DNM3: variants seen among roughly 807,000 people sequenced by gnomAD.
The protein encoded by DNM3 is dynamin-3.
A neutral mutation model predicts 101.6 loss-of-function variants in DNM3; 47 were observed. The ratio of observed to expected loss-of-function variants is 0.46; its 90% CI spans 0.37 to 0.59. The LOEUF is 0.59. Among genes scored for constraint, DNM3 ranks in the 20% least tolerant of loss-of-function variants. DNM3 has a pLI of 0.00. For synonymous variants in DNM3, 385 were observed against 387.9 expected, an observed-to-expected ratio of 0.99 and a Z score of 0.09; for missense variants, 849 against 1,085.7, an observed-to-expected ratio of 0.78 and a Z score of 3.06.
chr1:172,229,181 T>C (rs143589996), intron 14 of DNM3, among the ~76,000 whole-genome samples: 2 of 152,304 alleles, frequency 1.3e-5, no homozygotes, highest in Non-Finnish European at 2.9e-5. Context: ...CTGGGCTTCA[T>C]AAACACTCTA....
intron 14 of DNM3, among the ~76,000 whole-genome samples, chr1:172,174,563 T>A (rs953565995): frequency 1.1e-4 from 16 of 151,780 alleles, no homozygotes; most frequent in African/African-American, 3.9e-4. Flanking sequence ...TGACATTTTT[T>A]AACAAATGTC....
intron 17 of DNM3, among the ~76,000 whole-genome samples, chr1:172,354,164 A>G (rs1412684844): frequency 7.2e-6 from 1 of 139,206 alleles, no homozygotes; most frequent in African/African-American, 2.6e-5. Flanking sequence ...TTTGCTAAAG[A>G]ATATCTGAAG....
intron 5 of DNM3, 118 bp from the exon 6 acceptor site, chr1:172,032,987 T>C: frequency 1.6e-6 from 2 of 1,219,314 alleles, no homozygotes; most frequent in Non-Finnish European, 2.3e-6. Context: ...AGGAACTCAG[T>C]CTTCAGGCCT....
At chr1:172,285,888 G>C (rs548372064) in intron 15 of DNM3, among the ~76,000 whole-genome samples, 1 of 152,088 alleles carries the variant, frequency 6.6e-6, no homozygotes, top group Non-Finnish European at 1.5e-5. Flanking sequence ...CTTAGAGCTC[G>C]CATCTAACTC....
At chr1:172,238,403 T>A (rs2061621725) in intron 14 of DNM3, among the ~76,000 whole-genome samples, 1 of 152,144 alleles carries the variant, frequency 6.6e-6, no homozygotes, top group African/African-American at 2.4e-5. Context: ...CTAGTGTACA[T>A]GAATAATTCA....
chr1:172,168,109 C>T (rs1349407805), intron 14 of DNM3, among the ~76,000 whole-genome samples: 1 of 152,002 alleles, frequency 6.6e-6, no homozygotes, highest in Non-Finnish European at 1.5e-5. Context: ...TGCCCTATTT[C>T]AGAATAAAAC....
chr1:172,164,232 C>CTTTTTTTTTTTTTT (rs3980440), intron 14 of DNM3, among the ~76,000 whole-genome samples: 11 of 126,640 alleles, frequency 8.7e-5, no homozygotes, highest in East Asian at 2.2e-4. Flanking sequence ...CTTTTCTTTT[C>CTTTTTTTTTTTTTT]TTTTTTTTTT....
At chr1:172,358,857 G>C (rs545513205) in intron 17 of DNM3, among the ~76,000 whole-genome samples, 1 of 150,672 alleles carries the variant, frequency 6.6e-6, no homozygotes, top group Non-Finnish European at 1.5e-5. Flanking sequence ...CTCCTTTCCG[G>C]GTCTCCCTTC....
chr1:172,045,237 T>C (rs2049698915), intron 9 of DNM3, among the ~76,000 whole-genome samples: 1 of 152,186 alleles, frequency 6.6e-6, no homozygotes, highest in African/African-American at 2.4e-5. Context: ...CTAAATTACC[T>C]TCCATCTTAG....
chr1:172,361,661 G>A (rs901951757), intron 17 of DNM3, among the ~76,000 whole-genome samples: 7 of 151,934 alleles, frequency 4.6e-5, no homozygotes, highest in African/African-American at 1.7e-4. Flanking sequence ...CAGCAGCCAA[G>A]TTGAGAGTCT....
At chr1:172,360,576 G>C (rs543348272) in intron 17 of DNM3, among the ~76,000 whole-genome samples, 2 of 151,950 alleles carry the variant, frequency 1.3e-5, no homozygotes, top group Non-Finnish European at 2.9e-5. Context: ...TAGAGCCTCA[G>C]GCAAAATGCA....
chr1:172,354,082 T>G (rs2067313408), intron 17 of DNM3, among the ~76,000 whole-genome samples: 2 of 137,330 alleles, frequency 1.5e-5, no homozygotes, highest in Admixed American at 7.6e-5. Flanking sequence ...GACATAAAGG[T>G]GTTGGGGTGT....
intron 11 of DNM3, among the ~76,000 whole-genome samples, chr1:172,079,091 G>A (rs536771402): frequency 1.3e-5 from 2 of 152,226 alleles, no homozygotes; most frequent in South Asian, 4.1e-4. Context: ...TGATGATTAT[G>A]TGTCTTGGGG....
chr1:171,847,737 A>G (rs1256320564), intron 1 of DNM3, among the ~76,000 whole-genome samples: 1 of 152,202 alleles, frequency 6.6e-6, no homozygotes, highest in South Asian at 2.1e-4. Flanking sequence ...TGTCAGGGAA[A>G]ATGTCCTAAA....
intron 10 of DNM3, among the ~76,000 whole-genome samples, chr1:172,059,765 A>G (rs1295124180): frequency 9.1e-5 from 13 of 142,994 alleles, no homozygotes; most frequent in Admixed American, 6.4e-4. Context: ...AACTGGAAGC[A>G]TTCCCTTTGA....
intron 15 of DNM3, among the ~76,000 whole-genome samples, chr1:172,294,173 C>A (rs2064047223): frequency 6.6e-6 from 1 of 152,178 alleles, no homozygotes; most frequent in African/African-American, 2.4e-5. Context: ...AGCAAAGATA[C>A]AACTTTTGAA....
At chr1:171,885,994 C>T (rs184649117) in intron 1 of DNM3, among the ~76,000 whole-genome samples, 127 of 152,184 alleles carry the variant, frequency 8.3e-4, no homozygotes, top group African/African-American at 2.9e-3. Flanking sequence ...CCACTTTGAC[C>T]GGACTGTCAA....
At chr1:172,356,042 G>A (rs1342731820) in intron 17 of DNM3, among the ~76,000 whole-genome samples, 1 of 152,010 alleles carries the variant, frequency 6.6e-6, no homozygotes, top group East Asian at 1.9e-4. Context: ...AGAAATAATG[G>A]AATCATCTTC....
chr1:172,215,251 C>A (rs1215589055), intron 14 of DNM3, among the ~76,000 whole-genome samples: 1 of 152,082 alleles, frequency 6.6e-6, no homozygotes, highest in Non-Finnish European at 1.5e-5. Context: ...ATCCTCTTGG[C>A]TTCTGGAACA....
Sources: gnomAD v4.1 joint callset for allele counts (sites outside exome capture counted in the v4.1 genomes callset) on GRCh38, gnomAD v4.1.1 for gene constraint, MANE v1.5 for transcripts, NCBI Gene and HGNC (gene_info 2026-07-23, HGNC 2026-07-21) for gene names.